FER1L6: variants seen among roughly 807,000 people sequenced by gnomAD.
FER1L6 encodes the protein fer-1 like family member 6, also known as fer-1-like protein 6.
In FER1L6, 177 loss-of-function variants were observed where a neutral mutation model predicts 219.2. That is an observed-to-expected ratio of 0.81 (90% CI 0.71 to 0.91). FER1L6 has a LOEUF of 0.91. Among genes scored for constraint, FER1L6 ranks in the 40% least tolerant of loss-of-function variants. The pLI is 0.00. For synonymous variants in FER1L6, 768 were observed against 824.3 expected (o/e 0.93, Z 1.17); for missense variants, 2,153 against 2,259.9 (o/e 0.95, Z 0.96).
chr8:123,885,302 T>A lies in FER1L6; in HGVS notation c.-8+33117T>A, dbSNP rs1817181428. ...TCCCTCTTGCCATGCTGAGGAATGG[T>A]CTACCTGTCTTCTTGCCTCACCCTT... On this transcript the variant is annotated intron_variant, in intron 1 of 40. Coordinates refer to ENST00000522917, the MANE Select transcript of FER1L6 (RefSeq NM_001039112.2). Among the ~76,000 whole-genome samples, 2 of 152,222 alleles carry A rather than the reference T, an allele frequency of 1.3e-5. 1 individual carries two copies. The highest frequency in any genetic ancestry group is 1.3e-4 in the Admixed American group (2 of 15,286).
chr8:124,027,575 TTA>T (rs1211768912), intron 18 of FER1L6, among the ~76,000 whole-genome samples: 1 of 152,196 alleles, frequency 6.6e-6, no homozygotes, highest in Non-Finnish European at 1.5e-5. Context: ...TGATTTTGTT[TTA>T]GAGACAGCAC....
intron 22 of FER1L6, among the ~76,000 whole-genome samples, chr8:124,050,890 T>C (rs917990110): frequency 6.6e-6 from 1 of 152,206 alleles, no homozygotes; most frequent in Non-Finnish European, 1.5e-5. Context: ...TTTTAACGTA[T>C]GAATTTTGGA....
intron 39 of FER1L6, among the ~76,000 whole-genome samples, chr8:124,108,299 G>A (rs997493868): frequency 1.3e-5 from 2 of 151,962 alleles, no homozygotes; most frequent in Admixed American, 6.6e-5. Flanking sequence ...ACTTTACTAT[G>A]AGCCTCAGCT....
intron 31 of FER1L6, 151 bp downstream of exon 31, chr8:124,071,782 T>A (rs572629309): frequency 2.9e-6 from 3 of 1,047,954 alleles, no homozygotes; most frequent in South Asian, 1.8e-5. Context: ...GCTACCAGGG[T>A]TGGTGTCTTG....
In FER1L6 at chr8:123,986,077, GA is replaced by G. The variant is rs757073355; in HGVS notation, c.1427del (p.Asn476MetfsTer15). On this transcript the variant is annotated frameshift_variant, in exon 12 of 41. Coordinates refer to ENST00000522917, the MANE Select transcript of FER1L6 (RefSeq NM_001039112.2). LOFTEE classifies it high-confidence loss of function. Reference sequence around the variant, plus strand: ...TGTTTTCTTTCTGTAGATTGTACCAGAAAAAAATGAGGAATTTTTACTCTTT... The same window carrying G: ...TGTTTTCTTTCTGTAGATTGTACCAGAAAAAATGAGGAATTTTTACTCTTT... ...SFDVPPEIVPEKNEEFLLFGA... is the reference protein window; with the variant it reads ...SFDVPPEIVPXKNEEFLLFGA... 3 of 1,607,568 alleles carry G rather than the reference GA, an allele frequency of 1.9e-6. No individual in the cohort carries two copies. The highest frequency in any genetic ancestry group is 2.7e-5 in the African/African-American group (2 of 74,846).
chr8:123,970,128 G>A (rs1278201874), intron 6 of FER1L6, 31 bp downstream of exon 6: 1 of 1,596,032 alleles, frequency 6.3e-7, no homozygotes, highest in Non-Finnish European at 8.6e-7. Context: ...AATAGTTGTG[G>A]AGAGGTGGGA....
At chr8:123,856,348 A>ATG (rs1269070758) in intron 1 of FER1L6, among the ~76,000 whole-genome samples, 2 of 130,848 alleles carry the variant, frequency 1.5e-5, no homozygotes, top group African/African-American at 6.2e-5. Flanking sequence ...ATATATATAT[A>ATG]TTAGGGTCCA....
chr8:123,949,388 C>G (rs1279958934), intron 1 of FER1L6, among the ~76,000 whole-genome samples: 2 of 152,076 alleles, frequency 1.3e-5, no homozygotes, highest in Non-Finnish European at 2.9e-5. Flanking sequence ...TTCCATAGAT[C>G]CTCTCTTAGT....
At chr8:124,007,552 T>C (rs1586583130) in intron 13 of FER1L6, among the ~76,000 whole-genome samples, 1 of 152,230 alleles carries the variant, frequency 6.6e-6, no homozygotes, top group Non-Finnish European at 1.5e-5. Context: ...TTAAAATCTA[T>C]AAATTAACTG....
intron 12 of FER1L6, among the ~76,000 whole-genome samples, chr8:123,989,103 A>G (rs1245301487): frequency 6.6e-6 from 1 of 152,118 alleles, no homozygotes; most frequent in African/African-American, 2.4e-5. Context: ...GTTTTTGTCC[A>G]TTCTGTTGAC....
At chr8:124,022,068 C>T (rs531870134) in intron 17 of FER1L6, among the ~76,000 whole-genome samples, 14 of 152,290 alleles carry the variant, frequency 9.2e-5, no homozygotes, top group South Asian at 8.3e-4. Flanking sequence ...TGTTTAAAAA[C>T]GGCCCTCATA....
At chr8:123,872,246 C>A (rs1483996187) in intron 1 of FER1L6, among the ~76,000 whole-genome samples, 1 of 152,172 alleles carries the variant, frequency 6.6e-6, no homozygotes, top group Non-Finnish European at 1.5e-5. Context: ...CCAGGCCCCA[C>A]CTCAACATTG....
chr8:123,995,976 C>T (rs1049506986), intron 12 of FER1L6, among the ~76,000 whole-genome samples: 1 of 152,108 alleles, frequency 6.6e-6, no homozygotes, highest in Middle Eastern at 3.4e-3. Flanking sequence ...CAAAATTTCT[C>T]GCGTTACTGA....
At chr8:124,061,799 C>T in intron 24 of FER1L6, 53 bp from the exon 25 acceptor site, 28 of 1,578,772 alleles carry the variant, frequency 1.8e-5, no homozygotes, top group Non-Finnish European at 2.3e-5. Flanking sequence ...GGCTTTGGGT[C>T]TGCCCATGGA....
intron 18 of FER1L6, 109 bp downstream of exon 18, chr8:124,023,705 A>C: frequency 3.4e-6 from 4 of 1,167,524 alleles, no homozygotes; most frequent in Non-Finnish European, 4.7e-6. Context: ...GTGCTTTCAA[A>C]GGTAGGAGGA....
chr8:123,998,011 CTTTA>C (rs1817214709), intron 12 of FER1L6, among the ~76,000 whole-genome samples: 6 of 152,118 alleles, frequency 3.9e-5, no homozygotes, highest in Admixed American at 3.3e-4. Context: ...GTCACTAGTG[CTTTA>C]TTTAGTTTGC....
intron 26 of FER1L6, 115 bp downstream of exon 26, chr8:124,064,688 G>A: frequency 1.2e-6 from 1 of 861,730 alleles, no homozygotes; most frequent in South Asian, 1.6e-5. Context: ...TCACATTTCT[G>A]AGTATCGGTT....
At chr8:124,070,668 T>C in intron 30 of FER1L6, 70 bp downstream of exon 30, 1 of 1,373,156 alleles carries the variant, frequency 7.3e-7, no homozygotes, top group Non-Finnish European at 9.9e-7. Context: ...CTCGATTCTG[T>C]TAATGGAATT....
chr8:124,077,736 T>C (rs1431258719), intron 32 of FER1L6, among the ~76,000 whole-genome samples: 1 of 152,220 alleles, frequency 6.6e-6, no homozygotes, highest in African/African-American at 2.4e-5. Flanking sequence ...ATGAAGTCAG[T>C]GTTCCCTCCT....
Sources: allele counts gnomAD v4.1 joint callset (sites outside exome capture counted in the v4.1 genomes callset), GRCh38; gene constraint gnomAD v4.1.1; transcripts MANE v1.5; gene names NCBI Gene and HGNC (gene_info 2026-07-23, HGNC 2026-07-21).